The following PCDHB12 variants were observed in gnomAD, a reference collection of about 807,000 sequenced individuals.
The protein encoded by PCDHB12 is protocadherin beta 12.
For synonymous variants in PCDHB12, 560 were observed against 445.2 expected (o/e 1.26, Z -3.24); for missense variants, 1,192 against 998.2 (o/e 1.19, Z -2.62).
At position 141,210,957 on chromosome 5, in the gene PCDHB12, G is replaced by A. The variant is rs781967954; in HGVS notation, c.2050G>A (p.Asp684Asn). The change falls in exon 1 of 1, where the codon GAC (aspartate) becomes AAC (asparagine). Residue 684 changes from aspartate to asparagine, a missense_variant. Coordinates refer to ENST00000239450, the MANE Select transcript of PCDHB12 (RefSeq NM_018932.4). Reference protein sequence around the residue: ...PEAAPAQAQADSLTVYLVVAL... With the variant: ...PEAAPAQAQANSLTVYLVVAL... ...GGCGGCCCCGGCCCAGGCCCAGGCC[G>A]ACTCGCTCACTGTCTACCTGGTGGT... is the stretch of plus-strand genomic sequence containing the variant. 23 of 1,611,544 alleles carry A rather than the reference G, an allele frequency of 1.4e-5. No individual in the cohort carries two copies. Among genetic ancestry groups the A allele is most frequent in the Middle Eastern group, 1.8e-4 (1 of 5,474 alleles).
chr5:141,211,413 A>G lies in PCDHB12; in HGVS notation c.*118A>G. ...CAAATACATACTCTTCAAGTCAAGA[A>G]ATAAATTTCTTTACATAGAAAAGGA... is the stretch of plus-strand genomic sequence containing the variant. On this transcript the variant is annotated 3_prime_UTR_variant, in exon 1 of 1. Coordinates refer to ENST00000239450, the MANE Select transcript of PCDHB12 (RefSeq NM_018932.4). The G allele has an allele frequency of 9.4e-7, 1 of 1,063,674 alleles. No homozygotes were observed. Among genetic ancestry groups the G allele is most frequent in the Non-Finnish European group, 1.4e-6 (1 of 715,236 alleles). The allele number at this position is 1,063,674 out of a possible 1,614,324, so 65.9% of individuals were successfully genotyped here.
rs1157913071 is a variant in PCDHB12 at position 141,211,778 on chromosome 5, A to T, written c.*483A>T. ...GTGACATGGTATTTTAGTAATGACCAAATAGACGGTCTTAGAGATTCAGTA... is the reference window on the plus strand; with the variant it reads ...GTGACATGGTATTTTAGTAATGACCTAATAGACGGTCTTAGAGATTCAGTA... On this transcript the variant is annotated 3_prime_UTR_variant, in exon 1 of 1. Coordinates refer to ENST00000239450, the MANE Select transcript of PCDHB12 (RefSeq NM_018932.4). The T allele has an allele frequency of 5.0e-6, 1 of 198,744 alleles. No homozygotes were observed. Among genetic ancestry groups the T allele is most frequent in the Non-Finnish European group, 1.1e-5 (1 of 87,826 alleles). 12.3% of individuals were successfully genotyped at this position (198,744 alleles called of 1,614,324 possible).
In PCDHB12 at chr5:141,210,470, C is replaced by T. The variant is rs1285121033; in HGVS notation, c.1563C>T (p.Tyr521=). ...TGTTTGCCCTCAGGTCGCTGGACTACGAGGCCCTGCAGGGGTTCCAGTTCC... is the reference window on the plus strand; with the variant it reads ...TGTTTGCCCTCAGGTCGCTGGACTATGAGGCCCTGCAGGGGTTCCAGTTCC... ...GHLFALRSLD[Y]EALQGFQFRV... is the part of the protein sequence containing the mutation. The change falls in exon 1 of 1, where the codon TAC becomes TAT. Residue 521 remains tyrosine, a synonymous_variant. Coordinates refer to ENST00000239450, the MANE Select transcript of PCDHB12 (RefSeq NM_018932.4). 4 of 1,612,840 alleles carry T rather than the reference C, an allele frequency of 2.5e-6. No homozygotes were observed. The highest frequency in any genetic ancestry group is 4.5e-5 in the East Asian group (2 of 44,888).
rs1209841301 is a variant in PCDHB12 at position 141,209,070 on chromosome 5, G to C, written c.163G>C (p.Glu55Gln). Residue 55 changes from glutamate to glutamine, a missense_variant, in exon 1 of 1, where the codon GAG (glutamate) becomes CAG (glutamine). Glu to Gln is a conservative substitution (Grantham distance 29). Transcript: ENST00000239450. ...AAATTTGGCAAAGACCCTGGGACTC[G>C]AGGTGAGTGAGCTGTCTTCGCGGGG... The part of the protein sequence containing the change: ...VGNLAKTLGL[E>Q]VSELSSRGAR... 2.5e-6 allele frequency: 4 copies of C among 1,612,788 alleles called. No homozygotes were observed. The highest frequency in any genetic ancestry group is 2.2e-5 in the East Asian group (1 of 44,836).
rs1171178715 is a variant in PCDHB12 at position 141,210,252 on chromosome 5, C to A, written c.1345C>A (p.Pro449Thr). The A allele has an allele frequency of 6.2e-7, 1 of 1,614,178 alleles. No individual in the cohort carries two copies. The highest frequency in any genetic ancestry group is 8.5e-7 in the Non-Finnish European group (1 of 1,180,044). Residue 449 changes from proline (P) to threonine (T), a missense_variant, in exon 1 of 1, where the codon CCC (proline) becomes ACC (threonine). Physicochemically the swap from Pro to Thr is conservative, Grantham distance 38. Coordinates refer to ENST00000239450, the MANE Select transcript of PCDHB12 (RefSeq NM_018932.4). ...GGTCTCCGACGTCAATGACAACGCC[C>A]CCGCCTTCACCCAAACTTCCTACGC... ...VLVSDVNDNAPAFTQTSYALF... is the reference protein window; with the variant it reads ...VLVSDVNDNATAFTQTSYALF...
chr5:141,211,783 G>C lies in PCDHB12; in HGVS notation c.*488G>C, dbSNP rs1754468138. On this transcript the variant is annotated 3_prime_UTR_variant, in exon 1 of 1. Transcript: ENST00000239450. Reference sequence around the variant, plus strand: ...ATGGTATTTTAGTAATGACCAAATAGACGGTCTTAGAGATTCAGTAAGTTC... The same window carrying C: ...ATGGTATTTTAGTAATGACCAAATACACGGTCTTAGAGATTCAGTAAGTTC... 1 of 197,058 alleles carries C rather than the reference G, an allele frequency of 5.1e-6. No individual in the cohort carries two copies. The highest frequency in any genetic ancestry group is 2.4e-5 in the African/African-American group (1 of 41,530). 12.2% of individuals were successfully genotyped at this position (197,058 alleles called of 1,614,324 possible).
In PCDHB12 at chr5:141,211,627, G is replaced by C; in HGVS notation, c.*332G>C. On this transcript the variant is annotated 3_prime_UTR_variant, in exon 1 of 1. Transcript: ENST00000239450. ...TTCTGAGTTGATTAGAATGCTGTTC[G>C]AGTATACCTACCCTAGTTTCAGAAG... The C allele has an allele frequency of 3.0e-6, 1 of 333,908 alleles. No homozygotes were observed. The highest frequency in any genetic ancestry group is 5.9e-6 in the Non-Finnish European group (1 of 170,084). 20.7% of individuals were successfully genotyped at this position (333,908 alleles called of 1,614,324 possible).
At position 141,209,146 on chromosome 5, in the gene PCDHB12, A is replaced by G. The variant is rs782343583; in HGVS notation, c.239A>G (p.Asn80Ser). ...DNKECLQLDT[N>S]TGDLLLREML... ...AAAGAGTGTTTGCAGCTGGACACAA[A>G]CACTGGGGATTTGCTCCTGAGAGAA... Residue 80 changes from asparagine (N) to serine (S), a missense_variant, in exon 1 of 1, where the codon AAC (asparagine) becomes AGC (serine). Physicochemically the swap from Asn to Ser is conservative, Grantham distance 46. Coordinates refer to ENST00000239450, the MANE Select transcript of PCDHB12 (RefSeq NM_018932.4). 2.3e-5 allele frequency: 37 copies of G among 1,614,022 alleles called. No homozygotes were observed. The highest frequency in any genetic ancestry group is 3.1e-5 in the Non-Finnish European group (36 of 1,180,028).
rs782441244 is a variant in PCDHB12, at chr5:141,210,344, C to A, written c.1437C>A (p.Asp479Glu). The change falls in exon 1 of 1, where the codon GAC (aspartate) becomes GAA (glutamate). Residue 479 changes from aspartate (D) to glutamate (E), a missense_variant. Transcript: ENST00000239450. ...GCAGCATCAGCGCCACAGACAGAGA[C>A]TCGGGCACCAACGCCCAGGTCAACT... ...HIGSISATDR[D>E]SGTNAQVNYS... 6.2e-7 allele frequency: 1 copy of A among 1,613,178 alleles called. No homozygotes were observed. Among genetic ancestry groups the A allele is most frequent in the South Asian group, 1.1e-5 (1 of 91,034 alleles).
rs1554286578 is a variant in PCDHB12, at chr5:141,209,049, T to G, written c.142T>G (p.Leu48Val). 14 of 1,610,926 alleles carry G rather than the reference T, an allele frequency of 8.7e-6. No homozygotes were observed. The highest frequency in any genetic ancestry group is 1.2e-5 in the Non-Finnish European group (14 of 1,178,476). Reference sequence around the variant, plus strand: ...GCAGAGCGGGAGCTTTGTAGGAAATTTGGCAAAGACCCTGGGACTCGAGGT... The same window carrying G: ...GCAGAGCGGGAGCTTTGTAGGAAATGTGGCAAAGACCCTGGGACTCGAGGT... ...ELQSGSFVGN[L>V]AKTLGLEVSE... Residue 48 changes from leucine to valine, a missense_variant, in exon 1 of 1, where the codon TTG becomes GTG. By Grantham distance (32) the Leu-to-Val change is conservative. Coordinates refer to ENST00000239450, the MANE Select transcript of PCDHB12 (RefSeq NM_018932.4).
chr5:141,212,246 T>C lies in PCDHB12; in HGVS notation c.*951T>C, dbSNP rs1291122403. 6.1e-6 allele frequency: 1 copy of C among 164,752 alleles called. No homozygotes were observed. Among genetic ancestry groups the C allele is most frequent in the African/African-American group, 2.4e-5 (1 of 41,462 alleles). 10.2% of individuals were successfully genotyped at this position (164,752 alleles called of 1,614,324 possible). A position where few individuals can be genotyped will look rare whatever the true frequency, so the allele number is the denominator to read the frequency against. On this transcript the variant is annotated 3_prime_UTR_variant, in exon 1 of 1. Coordinates refer to ENST00000239450, the MANE Select transcript of PCDHB12 (RefSeq NM_018932.4). Reference sequence around the variant, plus strand: ...TTATTAGTTAATTATTTTCTTTACATTGTAGTATATTTCCAGAGTCACCCA... The same window carrying C: ...TTATTAGTTAATTATTTTCTTTACACTGTAGTATATTTCCAGAGTCACCCA...
In PCDHB12 at chr5:141,210,928, C is replaced by T. The variant is rs1554287081; in HGVS notation, c.2021C>T (p.Pro674Leu). The T allele has an allele frequency of 6.2e-7, 1 of 1,611,020 alleles. No homozygotes were observed. The highest frequency in any genetic ancestry group is 8.5e-7 in the Non-Finnish European group (1 of 1,179,724). The change falls in exon 1 of 1, where the codon CCG becomes CTG. Residue 674 changes from proline (P) to leucine (L), a missense_variant. Coordinates refer to ENST00000239450, the MANE Select transcript of PCDHB12 (RefSeq NM_018932.4). ...TTCTCCCAGCCCTACCTGCCTCTCC[C>T]GGAGGCGGCCCCGGCCCAGGCCCAG... The part of the protein sequence containing the change: ...DGFSQPYLPL[P>L]EAAPAQAQAD...
In PCDHB12 at chr5:141,209,156, T is replaced by C; in HGVS notation, c.249T>C (p.Asp83=). Residue 83 remains aspartate (D), a synonymous_variant, in exon 1 of 1, where the codon GAT becomes GAC. Transcript: ENST00000239450. ...ECLQLDTNTG[D]LLLREMLDRE... ...TGCAGCTGGACACAAACACTGGGGA[T>C]TTGCTCCTGAGAGAAATGCTAGACA... is the stretch of plus-strand genomic sequence containing the variant. The C allele has an allele frequency of 1.2e-6, 2 of 1,614,094 alleles. No individual in the cohort carries two copies. Among genetic ancestry groups the C allele is most frequent in the Non-Finnish European group, 1.7e-6 (2 of 1,180,012 alleles).
chr5:141,209,954 G>C lies in PCDHB12; in HGVS notation c.1047G>C (p.Val349=). 1.9e-6 allele frequency: 3 copies of C among 1,614,168 alleles called. No homozygotes were observed. The highest frequency in any genetic ancestry group is 2.5e-6 in the Non-Finnish European group (3 of 1,180,040). ...DVNDNAPEIT[V]SSITSPIPEN... Reference sequence around the variant, plus strand: ...ACGACAACGCTCCTGAAATCACTGTGTCATCAATTACCAGTCCAATCCCAG... The same window carrying C: ...ACGACAACGCTCCTGAAATCACTGTCTCATCAATTACCAGTCCAATCCCAG... The change falls in exon 1 of 1, where the codon GTG becomes GTC. Residue 349 remains valine, a synonymous_variant. Coordinates refer to ENST00000239450, the MANE Select transcript of PCDHB12 (RefSeq NM_018932.4).
Position 141,209,731 on chromosome 5 carries a change from G to A in PCDHB12, c.824G>A (p.Ser275Asn). 1.2e-6 allele frequency: 2 copies of A among 1,614,254 alleles called. No individual in the cohort carries two copies. The highest frequency in any genetic ancestry group is 2.2e-5 in the East Asian group (1 of 44,878). Residue 275 changes from serine (S) to asparagine (N), a missense_variant, in exon 1 of 1, where the codon AGT (serine) becomes AAT (asparagine). Coordinates refer to ENST00000239450, the MANE Select transcript of PCDHB12 (RefSeq NM_018932.4). Reference protein sequence around the residue: ...SAWDLDSGTNSELSYTFSHAS... With the variant: ...SAWDLDSGTNNELSYTFSHAS... ...TGGGATTTAGACTCTGGAACAAACA[G>A]TGAACTATCCTATACCTTTTCCCAT...
Position 141,209,820 on chromosome 5 carries a change from G to A in PCDHB12, c.913G>A (p.Ala305Thr), listed in dbSNP as rs147002391. Residue 305 changes from alanine (A) to threonine (T), a missense_variant, in exon 1 of 1, where the codon GCA becomes ACA. Coordinates refer to ENST00000239450, the MANE Select transcript of PCDHB12 (RefSeq NM_018932.4). ...AAAGTCTGGTGACATTACTTTAACA[G>A]CACCTTTGGATTTTGAAGCAATTGA... ...NQKSGDITLT[A>T]PLDFEAIESY... 1.9e-6 allele frequency: 3 copies of A among 1,614,084 alleles called. No homozygotes were observed. The highest frequency in any genetic ancestry group is 1.1e-5 in the South Asian group (1 of 91,088).
chr5:141,211,456 G>C lies in PCDHB12; in HGVS notation c.*161G>C. On this transcript the variant is annotated 3_prime_UTR_variant, in exon 1 of 1. Coordinates refer to ENST00000239450, the MANE Select transcript of PCDHB12 (RefSeq NM_018932.4). ...GAAAAGGATACAGATTTAGTACCAA[G>C]AACACTTCACAAAGCAGGAAATGTG... 1 of 802,278 alleles carries C rather than the reference G, an allele frequency of 1.2e-6. No homozygotes were observed. Among genetic ancestry groups the C allele is most frequent in the Non-Finnish European group, 2.1e-6 (1 of 477,466 alleles). 49.7% of individuals were successfully genotyped at this position (802,278 alleles called of 1,614,324 possible). A position where few individuals can be genotyped will look rare whatever the true frequency, so the allele number is the denominator to read the frequency against.
In PCDHB12 at chr5:141,211,346, A is replaced by T; in HGVS notation, c.*51A>T. The T allele has an allele frequency of 6.6e-7, 1 of 1,523,474 alleles. No individual in the cohort carries two copies. The highest frequency in any genetic ancestry group is 8.9e-7 in the Non-Finnish European group (1 of 1,127,790). The allele number at this position is 1,523,474 out of a possible 1,614,324, so 94.4% of individuals were successfully genotyped here. The stretch of plus-strand genomic sequence containing the variant: ...TTTATGAATACATTTATAATTAGGA[A>T]CTTATCGTGAGGTGCCTGTAAAGTA... On this transcript the variant is annotated 3_prime_UTR_variant, in exon 1 of 1. Coordinates refer to ENST00000239450, the MANE Select transcript of PCDHB12 (RefSeq NM_018932.4).
Position 141,209,684 on chromosome 5 carries a change from C to G in PCDHB12, c.777C>G (p.Ser259=). The G allele has an allele frequency of 6.2e-7, 1 of 1,614,130 alleles. No homozygotes were observed. Among genetic ancestry groups the G allele is most frequent in the African/African-American group, 1.3e-5 (1 of 74,996 alleles). ...TTCTGGAGAATAGCATCCTTGGCTCCCTGGTTGTGACCGTCTCAGCCTGGG... is the reference window on the plus strand; with the variant it reads ...TTCTGGAGAATAGCATCCTTGGCTCGCTGGTTGTGACCGTCTCAGCCTGGG... ...VKILENSILG[S]LVVTVSAWDL... Residue 259 remains serine (S), a synonymous_variant, in exon 1 of 1, where the codon TCC becomes TCG. Coordinates refer to ENST00000239450, the MANE Select transcript of PCDHB12 (RefSeq NM_018932.4).
Sources: gnomAD v4.1 joint callset for allele counts on GRCh38, gnomAD v4.1.1 for gene constraint, MANE v1.5 for transcripts, NCBI Gene and HGNC (gene_info 2026-07-23, HGNC 2026-07-21) for gene names.